The following RAD51B variants were observed in gnomAD, a reference collection of about 807,000 sequenced individuals.
RAD51B encodes DNA repair protein RAD51 homolog 2.
A neutral mutation model predicts 42.2 loss-of-function variants in RAD51B; 38 were observed. The ratio of observed to expected loss-of-function variants is 0.90; its 90% CI spans 0.70 to 1.18. The LOEUF (loss-of-function observed/expected upper bound fraction) is 1.18. Among genes scored for constraint, RAD51B ranks in the 50% most tolerant of loss-of-function variants. The probability of loss-of-function intolerance (pLI) is 0.00; values close to 1 mark genes in which losing one functional copy is unlikely to be tolerated. For missense variants in RAD51B, 373 were observed against 400.7 expected (o/e 0.93, Z 0.59); for synonymous variants, 154 against 145.2 (o/e 1.06, Z -0.43).
chr14:68,465,926 G>T (rs2085963212), intron 9 of RAD51B, among the ~76,000 whole-genome samples: 1 of 141,020 alleles, frequency 7.1e-6, no homozygotes. Flanking sequence ...GGGTGACAGA[G>T]CTAGACTCTG....
intron 8 of RAD51B, among the ~76,000 whole-genome samples, chr14:68,344,961 A>ACC (rs1211581621): frequency 6.6e-6 from 1 of 150,888 alleles, no homozygotes; most frequent in Non-Finnish European, 1.5e-5. Context: ...AAAAAAAAAA[A>ACC]AAAAAACAAC....
intron 9 of RAD51B, among the ~76,000 whole-genome samples, chr14:68,441,984 C>G (rs2085308329): frequency 6.6e-6 from 1 of 152,128 alleles, no homozygotes; most frequent in Non-Finnish European, 1.5e-5. Context: ...AGAGGAATAC[C>G]TCTTGGAATC....
intron 10 of RAD51B, among the ~76,000 whole-genome samples, chr14:68,551,720 C>T (rs1214111897): frequency 6.6e-6 from 1 of 152,178 alleles, no homozygotes; most frequent in Non-Finnish European, 1.5e-5. Flanking sequence ...ACTGTGATAT[C>T]CTTAATAATA....
chr14:68,560,474 G>T (rs1046436273), intron 10 of RAD51B, among the ~76,000 whole-genome samples: 2 of 152,062 alleles, frequency 1.3e-5, no homozygotes. Flanking sequence ...GGTGGCTCAC[G>T]CCTGTAATCC....
intron 7 of RAD51B, among the ~76,000 whole-genome samples, chr14:68,147,210 A>G (rs1057103322): frequency 2.6e-5 from 4 of 152,214 alleles, no homozygotes; most frequent in Non-Finnish European, 5.9e-5. Flanking sequence ...AAATAGTTGA[A>G]TTGGATGACA....
intron 10 of RAD51B, chr14:68,610,877 G>C (rs1595026245): frequency 1.7e-6 from 1 of 575,158 alleles, no homozygotes; most frequent in East Asian, 2.9e-5. Context: ...GTGTGTGTGT[G>C]TGTGTGTGTC....
At chr14:67,950,960 C>T (rs1289692747) in intron 7 of RAD51B, among the ~76,000 whole-genome samples, 1 of 152,162 alleles carries the variant, frequency 6.6e-6, no homozygotes, top group Non-Finnish European at 1.5e-5. Context: ...AACACATAGA[C>T]TTATCTATTA....
chr14:68,188,097 G>C (rs1284025434), intron 7 of RAD51B, among the ~76,000 whole-genome samples: 1 of 152,130 alleles, frequency 6.6e-6, no homozygotes, highest in East Asian at 1.9e-4. Flanking sequence ...TTACAGGCCT[G>C]AGCCACCACT....
rs1835856368 is a variant in RAD51B, at chr14:68,529,256, G to A, written c.1036+61006G>A. Among the ~76,000 whole-genome samples, 3 of 152,196 alleles carry A rather than the reference G, an allele frequency of 2.0e-5. No individual in the cohort carries two copies. In the South Asian group the frequency reaches 6.2e-4, roughly 32 times the overall value. On this transcript the variant is annotated intron_variant, in intron 10 of 10. Coordinates refer to the RAD51B transcript ENST00000487270. ...CTGTCACCCAGGCTGGAGTGCAGTG[G>A]CACAATCTTGGCTCACTGCAACTTC...
chr14:67,999,148 C>A (rs1384497056), intron 7 of RAD51B, among the ~76,000 whole-genome samples: 1 of 152,058 alleles, frequency 6.6e-6, no homozygotes, highest in Non-Finnish European at 1.5e-5. Context: ...ACAGTCTTAA[C>A]ACTAACTTTT....
At chr14:68,562,286 C>A (rs1254077084) in intron 10 of RAD51B, 39 of 985,262 alleles carry the variant, frequency 4.0e-5, no homozygotes, top group Non-Finnish European at 4.6e-5. Context: ...ACGGAAAATG[C>A]CACTTTTGAA....
chr14:67,984,532 G>A (rs901403979), intron 7 of RAD51B, among the ~76,000 whole-genome samples: 5 of 152,052 alleles, frequency 3.3e-5, no homozygotes, highest in African/African-American at 1.2e-4. Context: ...CTGCTTTTCA[G>A]TATGAATTGC....
intron 10 of RAD51B, among the ~76,000 whole-genome samples, chr14:68,475,643 G>A (rs1882510147): frequency 1.3e-5 from 2 of 151,960 alleles, no homozygotes; most frequent in South Asian, 2.1e-4. Context: ...CAAAGTCATA[G>A]ACCAAACACT....
intron 7 of RAD51B, among the ~76,000 whole-genome samples, chr14:67,992,996 A>G (rs901603311): frequency 6.6e-6 from 1 of 152,158 alleles, no homozygotes; most frequent in Non-Finnish European, 1.5e-5. Context: ...GGAAGTTGAT[A>G]TATACTATAG....
intron 10 of RAD51B, among the ~76,000 whole-genome samples, chr14:68,535,281 A>C (rs1887549699): frequency 6.6e-6 from 1 of 152,218 alleles, no homozygotes; most frequent in Non-Finnish European, 1.5e-5. Context: ...AAGCTAGCCT[A>C]GGGCATTTGC....
chr14:68,138,055 T>TA (rs1408485722), intron 7 of RAD51B, among the ~76,000 whole-genome samples: 2 of 152,266 alleles, frequency 1.3e-5, no homozygotes, highest in East Asian at 1.9e-4. Context: ...CATCCAGCCA[T>TA]AGTCTGGGCA....
intron 7 of RAD51B, among the ~76,000 whole-genome samples, chr14:68,033,636 A>C (rs866037065): frequency 6.6e-6 from 1 of 152,326 alleles, no homozygotes. Context: ...TGGTTTTCCA[A>C]CAAGCTACAT....
rs532417354 is a variant in RAD51B, at chr14:68,589,850, C to G, written c.1037-4635C>G. Reference sequence around the variant, plus strand: ...GTTACAGGGATAGAAAGGGCTTTTTCCCCCCCATTTTCAGTTTTTGGCTTT... The same window carrying G: ...GTTACAGGGATAGAAAGGGCTTTTTGCCCCCCATTTTCAGTTTTTGGCTTT... On this transcript the variant is annotated intron_variant, in intron 10 of 10. Coordinates refer to the RAD51B transcript ENST00000487270. Among the ~76,000 whole-genome samples the G allele has an allele frequency of 3.0e-4, 45 of 152,118 alleles. 1 individual carries two copies. The South Asian group carries it at 7.3e-3, about 25-fold the overall frequency.
rs558957010 is a variant in RAD51B at position 68,634,642 on chromosome 14, C to T, written c.1037-16139C>T. Among the ~76,000 whole-genome samples the T allele has an allele frequency of 3.0e-4, 46 of 152,202 alleles. 1 individual carries two copies. The South Asian group carries it at 8.3e-3, about 28-fold the overall frequency. ...CCCTGCCTGGAAAATGCCTCTCCCCCGTATACCACCTTGGCGGCCACCACT... is the reference window on the plus strand; with the variant it reads ...CCCTGCCTGGAAAATGCCTCTCCCCTGTATACCACCTTGGCGGCCACCACT... On this transcript the variant is annotated intron_variant, in intron 10 of 11. Transcript: ENST00000488612.
Sources: gnomAD v4.1 joint callset for allele counts (sites outside exome capture counted in the v4.1 genomes callset) on GRCh38, gnomAD v4.1.1 for gene constraint, MANE v1.5 for transcripts, NCBI Gene and HGNC (gene_info 2026-07-23, HGNC 2026-07-21) for gene names.